KLRD1: variants seen among roughly 807,000 people sequenced by gnomAD.
KLRD1 encodes the protein natural killer cells antigen CD94.
A neutral mutation model predicts 22.6 loss-of-function variants in KLRD1; 21 were observed. The observed-to-expected ratio is 0.93, with a 90% CI of 0.66 to 1.34. The LOEUF (loss-of-function observed/expected upper bound fraction) is 1.34, where lower values mean the gene tolerates loss of function less well. Among genes scored for constraint, KLRD1 ranks in the 40% most tolerant of loss-of-function variants. KLRD1 has a pLI of 0.00. For missense variants in KLRD1, 183 were observed against 208.6 expected (o/e 0.88, Z 0.76); for synonymous variants, 59 against 71.1 (o/e 0.83, Z 0.85).
chr12:10,246,930 TTTC>T (rs1294470251), intron 1 of KLRD1, among the ~76,000 whole-genome samples: 13 of 129,242 alleles, frequency 1.0e-4, no homozygotes, highest in East Asian at 2.1e-4. Context: ...TTTCTTTTCT[TTTC>T]TTTTTTTTTT....
At position 10,294,953 on chromosome 12, in the gene KLRD1, C is replaced by A. The variant is rs868425855; in HGVS notation, c.-100-13025C>A. On this transcript the variant is annotated intron_variant, in intron 1 of 5. Transcript: ENST00000544747. ...TACAGGGTTAGAGGTCAAGACAGCG[C>A]TAACATCTATAAAGAGAAAGAGGGT... Among the ~76,000 whole-genome samples the A allele has an allele frequency of 3.3e-5, 5 of 152,128 alleles. No individual in the cohort carries two copies. In the South Asian group the frequency reaches 6.2e-4, roughly 19 times the overall value.
At chr12:10,296,075 T>G (rs1949818487) in intron 1 of KLRD1, among the ~76,000 whole-genome samples, 1 of 152,184 alleles carries the variant, frequency 6.6e-6, no homozygotes. Context: ...TTAGAGATAA[T>G]CTATAAATGG....
Position 10,318,707 on chromosome 12 carries a change from G to C in KLRD1, c.*3914G>C, listed in dbSNP as rs560780557. ...ACAAGTACAAAAAAATTAGCCAGGC[G>C]TGGTGACAGGCACCTGTAGTCCCAG... On this transcript the variant is annotated 3_prime_UTR_variant, in exon 6 of 6. Transcript: ENST00000336164. 1 of 152,184 alleles carries C rather than the reference G, an allele frequency of 6.6e-6. No homozygotes were observed. The highest frequency in any genetic ancestry group is 1.5e-5 in the Non-Finnish European group (1 of 68,154). 9.4% of individuals were successfully genotyped at this position (152,184 alleles called of 1,614,324 possible). A position where few individuals can be genotyped will look rare whatever the true frequency, so the allele number is the denominator to read the frequency against.
At chr12:10,269,431 G>A (rs1197563366) in intron 1 of KLRD1, among the ~76,000 whole-genome samples, 2 of 152,176 alleles carry the variant, frequency 1.3e-5, no homozygotes, top group South Asian at 2.1e-4. Flanking sequence ...GATTGCAGGC[G>A]TGAGCCACCA....
chr12:10,316,256 G>A lies in KLRD1; in HGVS notation c.*1463G>A, dbSNP rs747080701. ...AATCCCAAATCCTACTCAAACAAAA[G>A]GGGAAGGGATTATGCAGGTGTACAC... On this transcript the variant is annotated 3_prime_UTR_variant, in exon 6 of 6. Transcript: ENST00000336164. The A allele has an allele frequency of 1.3e-5, 2 of 151,996 alleles. No homozygotes were observed. Among genetic ancestry groups the A allele is most frequent in the Non-Finnish European group, 2.9e-5 (2 of 68,018 alleles). 9.4% of individuals were successfully genotyped at this position (151,996 alleles called of 1,614,324 possible). A position where few individuals can be genotyped will look rare whatever the true frequency, so the allele number is the denominator to read the frequency against.
At chr12:10,308,127 G>T (rs775416958) in intron 1 of KLRD1, 43 bp downstream of exon 1, 29 of 1,577,570 alleles carry the variant, frequency 1.8e-5, no homozygotes, top group Non-Finnish European at 2.4e-5. Flanking sequence ...AACCAGAAAA[G>T]CTATTTCTTG....
intron 1 of KLRD1, among the ~76,000 whole-genome samples, chr12:10,252,187 A>T (rs1447320247): frequency 3.3e-5 from 5 of 152,216 alleles, no homozygotes. Context: ...CTATAATCCC[A>T]GCACTTTGGG....
chr12:10,290,485 C>G (rs1949757640), intron 1 of KLRD1, among the ~76,000 whole-genome samples: 1 of 152,070 alleles, frequency 6.6e-6, no homozygotes, highest in Admixed American at 6.5e-5. Context: ...TTTCATATTG[C>G]TAGGTAAATC....
chr12:10,286,440 C>G (rs1049752201), intron 1 of KLRD1, among the ~76,000 whole-genome samples: 1 of 152,034 alleles, frequency 6.6e-6, no homozygotes, highest in African/African-American at 2.4e-5. Flanking sequence ...TTGCATTTTA[C>G]GTTTTACACA....
At chr12:10,282,729 T>C (rs1215323119) in intron 1 of KLRD1, among the ~76,000 whole-genome samples, 3 of 152,282 alleles carry the variant, frequency 2.0e-5, no homozygotes, top group African/African-American at 7.2e-5. Flanking sequence ...TTAGAAGATG[T>C]GTTCAAGGAA....
chr12:10,329,015 C>T lies in KLRD1; in HGVS notation c.*14222C>T, dbSNP rs922346981. The T allele has an allele frequency of 1.3e-5, 2 of 152,290 alleles. No individual in the cohort carries two copies. Among genetic ancestry groups the T allele is most frequent in the East Asian group, 3.9e-4 (2 of 5,184 alleles). 9.4% of individuals were successfully genotyped at this position (152,290 alleles called of 1,614,324 possible). A position where few individuals can be genotyped will look rare whatever the true frequency, so the allele number is the denominator to read the frequency against. The stretch of plus-strand genomic sequence containing the variant: ...ATGATTCAATTATCTCCCACTGGGT[C>T]CCTCCACCAACATGGGGGAATTATG... On this transcript the variant is annotated 3_prime_UTR_variant, in exon 6 of 6. Coordinates refer to ENST00000336164, the MANE Select transcript of KLRD1 (RefSeq NM_002262.5).
At chr12:10,262,858 T>C (rs1415811202) in intron 1 of KLRD1, among the ~76,000 whole-genome samples, 1 of 152,102 alleles carries the variant, frequency 6.6e-6, no homozygotes, top group African/African-American at 2.4e-5. Context: ...TTGCAATTTA[T>C]ATTAAGGTAT....
chr12:10,273,647 A>C (rs1047258299), intron 1 of KLRD1, among the ~76,000 whole-genome samples: 2 of 152,218 alleles, frequency 1.3e-5, no homozygotes, highest in Non-Finnish European at 2.9e-5. Context: ...ACTATGGAGC[A>C]TTGTTGGGTC....
intron 4 of KLRD1, among the ~76,000 whole-genome samples, chr12:10,312,904 G>C (rs1212280064): frequency 2.0e-5 from 3 of 151,498 alleles, no homozygotes; most frequent in Non-Finnish European, 4.4e-5. Flanking sequence ...GGAGAATGGC[G>C]TGAACCTGGG....
chr12:10,244,834 C>A (rs530665612), intron 1 of KLRD1, among the ~76,000 whole-genome samples: 25 of 151,964 alleles, frequency 1.6e-4, no homozygotes, highest in Admixed American at 1.4e-3. Flanking sequence ...AAAAAAACTT[C>A]ATTGAAGAAA....
At chr12:10,265,059 C>G (rs12371701) in intron 1 of KLRD1, among the ~76,000 whole-genome samples, 1 of 151,932 alleles carries the variant, frequency 6.6e-6, no homozygotes, top group South Asian at 2.1e-4. Context: ...TACCCTCTCT[C>G]TATATATGTA....
intron 1 of KLRD1, among the ~76,000 whole-genome samples, chr12:10,241,292 A>G (rs1949239172): frequency 6.6e-6 from 1 of 152,180 alleles, no homozygotes; most frequent in Non-Finnish European, 1.5e-5. Flanking sequence ...AAGAGTTTGC[A>G]GGAGAAGTAC....
Position 10,307,903 on chromosome 12 carries a change from G to A in KLRD1, c.-175G>A, listed in dbSNP as rs918095437. The A allele has an allele frequency of 3.2e-6, 2 of 620,278 alleles. No homozygotes were observed. The highest frequency in any genetic ancestry group is 5.8e-6 in the Non-Finnish European group (2 of 347,068). 38.4% of individuals were successfully genotyped at this position (620,278 alleles called of 1,614,324 possible). ...TATAATACATGTCTCACCAATAGAT[G>A]ATTCAAGAACATCATTTAAATACAC... On this transcript the variant is annotated 5_prime_UTR_variant, in exon 1 of 6. An upstream start codon of the reference 5' UTR is lost. Transcript: ENST00000336164.
At position 10,314,785 on chromosome 12, in the gene KLRD1, C is replaced by T; in HGVS notation, c.532C>T (p.Leu178Phe). The change falls in exon 6 of 6, where the codon CTC (leucine) becomes TTC (phenylalanine). Residue 178 changes from leucine to phenylalanine, a missense_variant. Leu to Phe is a conservative substitution (Grantham distance 22, BLOSUM62 0). Coordinates refer to ENST00000336164, the MANE Select transcript of KLRD1 (RefSeq NM_002262.5). ...DKNRYICKQQ[L>F]I The stretch of plus-strand genomic sequence containing the variant: ...AAATCGTTATATCTGTAAGCAACAG[C>T]TCATTTAAATGTTTCTTGGGGCAGA... 2 of 1,604,694 alleles carry T rather than the reference C, an allele frequency of 1.2e-6. No individual in the cohort carries two copies. The highest frequency in any genetic ancestry group is 1.7e-6 in the Non-Finnish European group (2 of 1,177,418).
Sources: allele counts gnomAD v4.1 joint callset (sites outside exome capture counted in the v4.1 genomes callset), GRCh38; gene constraint gnomAD v4.1.1; transcripts MANE v1.5; gene names NCBI Gene and HGNC (gene_info 2026-07-23, HGNC 2026-07-21).